PTPRD: variants seen among roughly 807,000 people sequenced by gnomAD.
PTPRD encodes the protein receptor-type tyrosine-protein phosphatase delta.
Under a neutral mutation model 214.5 loss-of-function variants are expected in PTPRD, and 34 were observed. The ratio of observed to expected loss-of-function variants is 0.16; its 90% confidence interval spans 0.12 to 0.21. The LOEUF (loss-of-function observed/expected upper bound fraction) is 0.21, where lower values mean the gene tolerates loss of function less well. PTPRD is among the 10% of genes least tolerant of loss of function. PTPRD has a pLI of 1.00. For missense variants in PTPRD, 2,545 were observed against 2,398.7 expected, an observed-to-expected ratio of 1.06 and a Z score of -1.27; for synonymous variants, 1,128 against 845.7, an observed-to-expected ratio of 1.33 and a Z score of -5.79.
intron 9 of PTPRD, among the ~76,000 whole-genome samples, chr9:9,343,723 C>CT (rs897829359): frequency 0.015 from 2,116 of 145,814 alleles, 44 homozygotes; most frequent in African/African-American, 0.047. Context: ...GGAGGGAACC[C>CT]TTTTTTTTTT....
intron 2 of PTPRD, among the ~76,000 whole-genome samples, chr9:10,475,128 T>C (rs960771761): frequency 6.6e-6 from 1 of 151,768 alleles, no homozygotes; most frequent in African/African-American, 2.4e-5. Flanking sequence ...AAGAAATAAC[T>C]AAGATTAGAG....
At chr9:9,257,809 G>A (rs1417622489) in intron 9 of PTPRD, among the ~76,000 whole-genome samples, 1 of 151,884 alleles carries the variant, frequency 6.6e-6, no homozygotes, top group Middle Eastern at 3.4e-3. Flanking sequence ...CTGTGCCAGG[G>A]CAAAGAAAAT....
At chr9:10,131,858 C>G (rs564342773) in intron 3 of PTPRD, among the ~76,000 whole-genome samples, 1 of 152,070 alleles carries the variant, frequency 6.6e-6, no homozygotes, top group Non-Finnish European at 1.5e-5. Flanking sequence ...ATTTTCCCAT[C>G]GCTTTGTGAC....
chr9:9,587,811 C>A (rs753203791), intron 7 of PTPRD, among the ~76,000 whole-genome samples: 1 of 151,842 alleles, frequency 6.6e-6, no homozygotes, highest in Non-Finnish European at 1.5e-5. Flanking sequence ...AAATTGATCT[C>A]ATAGAGAATA....
At chr9:9,096,797 A>G (rs2099784170) in intron 10 of PTPRD, among the ~76,000 whole-genome samples, 1 of 152,174 alleles carries the variant, frequency 6.6e-6, no homozygotes, top group Non-Finnish European at 1.5e-5. Context: ...GGTTTATATA[A>G]TGCTATGGAG....
chr9:10,225,716 T>C (rs982616622), intron 3 of PTPRD, among the ~76,000 whole-genome samples: 2 of 152,080 alleles, frequency 1.3e-5, no homozygotes, highest in African/African-American at 4.8e-5. Context: ...ATACTGTGGA[T>C]ACATGCCTCA....
intron 3 of PTPRD, among the ~76,000 whole-genome samples, chr9:10,155,327 A>G (rs987666675): frequency 6.6e-6 from 1 of 151,992 alleles, no homozygotes; most frequent in African/African-American, 2.4e-5. Context: ...GAAGTTGTTT[A>G]CCAGCTGAAG....
intron 11 of PTPRD, among the ~76,000 whole-genome samples, chr9:8,839,763 T>A (rs2097522976): frequency 6.6e-6 from 1 of 151,832 alleles, no homozygotes; most frequent in Non-Finnish European, 1.5e-5. Flanking sequence ...TTTGTATTGA[T>A]AACAGTGGGA....
intron 11 of PTPRD, chr9:8,860,163 C>G (rs2098073947): frequency 6.6e-6 from 1 of 152,204 alleles, no homozygotes; most frequent in Non-Finnish European, 1.5e-5. Context: ...TTTAAAACCC[C>G]TAATATTCCT....
At chr9:10,042,517 C>T (rs187254215) in intron 3 of PTPRD, among the ~76,000 whole-genome samples, 2 of 151,964 alleles carry the variant, frequency 1.3e-5, no homozygotes, top group East Asian at 1.9e-4. Flanking sequence ...TAGACTATTG[C>T]CATATGCTGG....
At chr9:10,125,622 T>TTGTA (rs371347952) in intron 3 of PTPRD, among the ~76,000 whole-genome samples, 250 of 139,314 alleles carry the variant, frequency 1.8e-3, no homozygotes, top group Middle Eastern at 7.3e-3. Flanking sequence ...GCTCGGCTAA[T>TTGTA]TGTGTGTGTG....
chr9:10,415,786 C>A (rs1244363571), intron 2 of PTPRD, among the ~76,000 whole-genome samples: 2 of 151,624 alleles, frequency 1.3e-5, no homozygotes, highest in African/African-American at 2.4e-5. Context: ...TTTAGAGAGG[C>A]AAGAGGTGGT....
chr9:8,718,701 T>C lies in PTPRD; in HGVS notation c.64+15079A>G, dbSNP rs373653969. Among the ~76,000 whole-genome samples, 4 of 152,304 alleles carry C rather than the reference T, an allele frequency of 2.6e-5. 1 individual carries two copies. Among genetic ancestry groups the C allele is most frequent in the East Asian group, 1.9e-4 (1 of 5,174 alleles). On this transcript the variant is annotated intron_variant, in intron 12 of 45. Coordinates refer to ENST00000381196, the MANE Select transcript of PTPRD (RefSeq NM_002839.4). ...TCCTTACAAGAATATAGGTATGCCC[T>C]TCCTACATCTGCAGAAACGTGTGCC...
intron 3 of PTPRD, among the ~76,000 whole-genome samples, chr9:10,226,655 T>C (rs1368305617): frequency 6.6e-6 from 1 of 152,062 alleles, no homozygotes; most frequent in Non-Finnish European, 1.5e-5. Context: ...CTGGATCCTA[T>C]GTAACCATAC....
intron 8 of PTPRD, among the ~76,000 whole-genome samples, chr9:9,458,574 A>G (rs1015862179): frequency 6.6e-6 from 1 of 152,016 alleles, no homozygotes; most frequent in Non-Finnish European, 1.5e-5. Flanking sequence ...AAAAAAAATC[A>G]TGAGTTGTTT....
At chr9:10,464,859 A>G (rs1341400312) in intron 2 of PTPRD, among the ~76,000 whole-genome samples, 1 of 152,118 alleles carries the variant, frequency 6.6e-6, no homozygotes, top group Non-Finnish European at 1.5e-5. Flanking sequence ...CCCTCCCAAT[A>G]AAATACTTTT....
At chr9:9,071,715 T>C (rs923484136) in intron 10 of PTPRD, among the ~76,000 whole-genome samples, 16 of 152,176 alleles carry the variant, frequency 1.1e-4, no homozygotes. Flanking sequence ...ACCCGGCTGA[T>C]AATACATGAC....
At chr9:9,679,522 T>C (rs2097018884) in intron 7 of PTPRD, among the ~76,000 whole-genome samples, 1 of 151,880 alleles carries the variant, frequency 6.6e-6, no homozygotes, top group Non-Finnish European at 1.5e-5. Context: ...CATAATTAAA[T>C]GGATCAGTCC....
rs887595184 is a variant in PTPRD, at chr9:8,316,181, C to T, written c.*1693G>A. 4.4e-6 allele frequency: 1 copy of T among 229,594 alleles called. No homozygotes were observed. Among genetic ancestry groups the T allele is most frequent in the Non-Finnish European group, 8.7e-6 (1 of 115,514 alleles). 14.2% of individuals were successfully genotyped at this position (229,594 alleles called of 1,614,324 possible). On this transcript the variant is annotated 3_prime_UTR_variant, in exon 46 of 46. Transcript: ENST00000381196. ...TTTGGGCTGGTACAATCACTAACAT[C>T]CCCGACTTGGCTGAAAACTAGGAAT...
Sources: gnomAD v4.1 joint callset for allele counts (sites outside exome capture counted in the v4.1 genomes callset) on GRCh38, gnomAD v4.1.1 for gene constraint, MANE v1.5 for transcripts, NCBI Gene and HGNC (gene_info 2026-07-23, HGNC 2026-07-21) for gene names.